Variants in HDAC4 observed in about 807,000 individuals in gnomAD.
The protein encoded by HDAC4 is histone deacetylase 4, also known as histone deacetylase A.
HDAC4 carries 16 observed loss-of-function variants against 135.1 expected under a neutral mutation model. That is an observed-to-expected ratio of 0.12 (90% CI 0.08 to 0.18). The LOEUF is 0.18. Ranked by LOEUF, HDAC4 falls within the 10% of genes least tolerant of loss-of-function variation. The pLI is 1.00. For missense variants in HDAC4, 1,143 were observed against 1,511.8 expected (o/e 0.76, Z 4.05); for synonymous variants, 685 against 653.4 (o/e 1.05, Z -0.74).
At chr2:239,188,959 T>C (rs536617291) in intron 4 of HDAC4, among the ~76,000 whole-genome samples, 110 of 152,346 alleles carry the variant, frequency 7.2e-4, no homozygotes, top group South Asian at 8.3e-4. Flanking sequence ...AACAACATAA[T>C]GGGAGACCCC....
Position 239,389,535 on chromosome 2 carries a change from G to A in HDAC4, c.-220+11443C>T, listed in dbSNP as rs191353698. 9.2e-5 allele frequency among the ~76,000 whole-genome samples: 14 copies of A among 152,236 alleles called. No homozygotes were observed. In the South Asian group the frequency reaches 2.1e-3, roughly 23 times the overall value. On this transcript the variant is annotated intron_variant, in intron 1 of 26. Transcript: ENST00000543185. ...TCATTCTTGAAGTCAGTGGGACCAA[G>A]AACCCACTGGAAGGAACCAACTCCG...
chr2:239,269,401 T>C (rs1452632351), intron 2 of HDAC4, among the ~76,000 whole-genome samples: 1 of 152,212 alleles, frequency 6.6e-6, no homozygotes, highest in Non-Finnish European at 1.5e-5. Context: ...ACATTGTCTG[T>C]GTGCCCAAGG....
intron 11 of HDAC4, among the ~76,000 whole-genome samples, chr2:239,129,252 C>T (rs890402598): frequency 6.6e-6 from 1 of 152,228 alleles, no homozygotes; most frequent in Non-Finnish European, 1.5e-5. Context: ...AGCGCCCTGA[C>T]CTCTGCATAG....
chr2:239,111,718 G>A lies in HDAC4; in HGVS notation c.1792-6C>T. On this transcript the variant is annotated splice_polypyrimidine_tract_variant and splice_region_variant and intron_variant, in intron 13 of 26. Transcript: ENST00000543185. ...TGCTCCAGCAGGAGGGCTTGCTGCGGGGAAGAAACGGCCGTGTTGGCGGTT... is the reference window on the plus strand; with the variant it reads ...TGCTCCAGCAGGAGGGCTTGCTGCGAGGAAGAAACGGCCGTGTTGGCGGTT... The A allele has an allele frequency of 6.3e-7, 1 of 1,589,310 alleles. No homozygotes were observed. The highest frequency in any genetic ancestry group is 8.6e-7 in the Non-Finnish European group (1 of 1,168,458).
At chr2:239,197,172 C>T (rs13031713) in intron 3 of HDAC4, among the ~76,000 whole-genome samples, 24,069 of 152,164 alleles carry the variant, frequency 0.16, 2,155 homozygotes, top group East Asian at 0.28. Context: ...CATCTGAAAA[C>T]GTGTCGATTC....
At chr2:239,392,862 G>A (rs1276872576) in intron 1 of HDAC4, among the ~76,000 whole-genome samples, 2 of 152,210 alleles carry the variant, frequency 1.3e-5, no homozygotes, top group South Asian at 2.1e-4. Context: ...CCCTGCAGAT[G>A]GGCCAGGCTG....
intron 3 of HDAC4, among the ~76,000 whole-genome samples, chr2:239,202,556 C>G (rs532863247): frequency 1.2e-3 from 182 of 151,996 alleles, no homozygotes; most frequent in Non-Finnish European, 2.2e-3. Flanking sequence ...GAAGGGCTGG[C>G]ATGGGTGTGG....
intron 2 of HDAC4, among the ~76,000 whole-genome samples, chr2:239,345,046 G>A (rs1054966022): frequency 6.6e-6 from 1 of 152,046 alleles, no homozygotes; most frequent in Non-Finnish European, 1.5e-5. Context: ...GGCTGCACCT[G>A]CTGCCTACAC....
intron 3 of HDAC4, among the ~76,000 whole-genome samples, chr2:239,208,110 C>T (rs2046148180): frequency 6.6e-6 from 1 of 151,452 alleles, no homozygotes; most frequent in African/African-American, 2.4e-5. Context: ...ATCACGAGGT[C>T]AGGAGATGGA....
rs964335090 is a variant in HDAC4, at chr2:239,262,258, A to G, written c.23-25594T>C. On this transcript the variant is annotated intron_variant, in intron 2 of 26. Transcript: ENST00000543185. This position sits in a 1 kb window ranked among gnomAD's most constrained non-coding sequence, Gnocchi z 4.1. ...CTTGGGGGAATCCTAAATTTCTGTG[A>G]TGTGAGATAAAATTTTAGTGGGATT... Among the ~76,000 whole-genome samples, 3 of 152,180 alleles carry G rather than the reference A, an allele frequency of 2.0e-5. No individual in the cohort carries two copies. The highest frequency in any genetic ancestry group is 7.2e-5 in the African/African-American group (3 of 41,436).
chr2:239,257,395 G>C (rs1031104481), intron 2 of HDAC4, among the ~76,000 whole-genome samples: 2 of 152,168 alleles, frequency 1.3e-5, no homozygotes, highest in Admixed American at 6.5e-5. Flanking sequence ...CAAAGGCTGG[G>C]GGGTGAAGAT....
At chr2:239,317,558 C>T (rs2053161182) in intron 2 of HDAC4, among the ~76,000 whole-genome samples, 1 of 151,978 alleles carries the variant, frequency 6.6e-6, no homozygotes, top group Admixed American at 6.6e-5. Flanking sequence ...CTCTCATTGG[C>T]CAAACTGGAA....
chr2:239,322,266 T>G (rs1559363311), intron 2 of HDAC4, among the ~76,000 whole-genome samples: 1 of 152,270 alleles, frequency 6.6e-6, no homozygotes, highest in African/African-American at 2.4e-5. Flanking sequence ...CCTATTCTAC[T>G]GCCTTGCAAT....
At chr2:239,354,546 T>C (rs1693364725) in intron 1 of HDAC4, among the ~76,000 whole-genome samples, 1 of 151,180 alleles carries the variant, frequency 6.6e-6, no homozygotes, top group African/African-American at 2.4e-5. Context: ...CTTTTCTTGA[T>C]TTAATTAGTC....
At chr2:239,202,197 G>A (rs193120346) in intron 3 of HDAC4, among the ~76,000 whole-genome samples, 2 of 152,292 alleles carry the variant, frequency 1.3e-5, no homozygotes, top group Admixed American at 1.3e-4. Flanking sequence ...GTAAGATGGG[G>A]ACTACCTATA....
At chr2:239,319,539 CAG>C (rs2053237912) in intron 2 of HDAC4, among the ~76,000 whole-genome samples, 1 of 152,214 alleles carries the variant, frequency 6.6e-6, no homozygotes, top group East Asian at 1.9e-4. Flanking sequence ...GGAGGTCACG[CAG>C]AGTTAAAAGT....
intron 2 of HDAC4, among the ~76,000 whole-genome samples, chr2:239,333,029 A>G (rs986656952): frequency 7.2e-5 from 11 of 152,312 alleles, no homozygotes; most frequent in Non-Finnish European, 1.6e-4. Context: ...TTAAAAATCT[A>G]AACAGTCCTA....
intron 11 of HDAC4, among the ~76,000 whole-genome samples, chr2:239,131,116 G>C (rs2040550865): frequency 6.6e-6 from 1 of 152,262 alleles, no homozygotes; most frequent in Non-Finnish European, 1.5e-5. Flanking sequence ...CATGAACAGG[G>C]ACATAGAAGA....
intron 3 of HDAC4, among the ~76,000 whole-genome samples, chr2:239,221,087 G>A (rs544328922): frequency 9.2e-5 from 14 of 152,316 alleles, no homozygotes; most frequent in Middle Eastern, 3.4e-3. Flanking sequence ...AGGCCTCACC[G>A]CCCTGTCTCT....
Sources: allele counts gnomAD v4.1 joint callset (sites outside exome capture counted in the v4.1 genomes callset), GRCh38; gene constraint gnomAD v4.1.1; non-coding constraint Gnocchi (gnomAD v3.1); transcripts MANE v1.5; gene names NCBI Gene and HGNC (gene_info 2026-07-23, HGNC 2026-07-21).